Variants in BCAS3 observed in about 807,000 individuals in gnomAD.
BCAS3 encodes BCAS4/BCAS3 fusion.
In BCAS3, 53 loss-of-function variants were observed where a neutral mutation model predicts 116.1. The observed-to-expected ratio is 0.46, with a 90% CI of 0.37 to 0.57. The LOEUF (loss-of-function observed/expected upper bound fraction) is 0.57, where lower values mean the gene tolerates loss of function less well. Ranked by LOEUF, BCAS3 falls within the 20% of genes least tolerant of loss-of-function variation. BCAS3 has a pLI of 0.00. For synonymous variants in BCAS3, 391 were observed against 408.2 expected, an observed-to-expected ratio of 0.96 and a Z score of 0.51; for missense variants, 917 against 1,165.4, an observed-to-expected ratio of 0.79 and a Z score of 3.10.
At chr17:60,679,631 T>C (rs1219225542) in intron 2 of BCAS3, 91 bp downstream of exon 2, 2 of 1,041,606 alleles carry the variant, frequency 1.9e-6, no homozygotes, top group African/African-American at 1.6e-5. Context: ...TGGTTACTTT[T>C]GTAAAAATCT....
intron 6 of BCAS3, among the ~76,000 whole-genome samples, chr17:60,759,238 A>G (rs759288320): frequency 3.3e-5 from 5 of 152,208 alleles, no homozygotes; most frequent in Non-Finnish European, 7.3e-5. Flanking sequence ...ATGGCCTTAT[A>G]TAGTCTGTCA....
At chr17:60,764,182 T>G (rs1329019245) in intron 6 of BCAS3, among the ~76,000 whole-genome samples, 3 of 151,804 alleles carry the variant, frequency 2.0e-5, no homozygotes, top group Non-Finnish European at 4.4e-5. Context: ...AACTTTTTTG[T>G]GTCTCTATCT....
intron 22 of BCAS3, among the ~76,000 whole-genome samples, chr17:61,133,206 C>T (rs1052021225): frequency 6.6e-6 from 1 of 152,012 alleles, no homozygotes; most frequent in African/African-American, 2.4e-5. Context: ...TTTGATGTTA[C>T]CCCTTTCTGA....
At chr17:60,973,885 C>A (rs2062131627) in intron 14 of BCAS3, among the ~76,000 whole-genome samples, 1 of 152,096 alleles carries the variant, frequency 6.6e-6, no homozygotes, top group African/African-American at 2.4e-5. Flanking sequence ...AGCCACCACA[C>A]CCTGCCTAAA....
At position 61,211,480 on chromosome 17, in the gene BCAS3, G is replaced by C. The variant is rs567419441; in HGVS notation, c.2425+126916G>C. 4.6e-5 allele frequency among the ~76,000 whole-genome samples: 7 copies of C among 152,232 alleles called. No individual in the cohort carries two copies. Among genetic ancestry groups the C allele is most frequent in the African/African-American group, 1.7e-4 (7 of 41,550 alleles). On this transcript the variant is annotated intron_variant, in intron 22 of 23. Coordinates refer to ENST00000407086, the MANE Select transcript of BCAS3 (RefSeq NM_017679.5). This position sits in a 1 kb window ranked among gnomAD's most constrained non-coding sequence, Gnocchi z 4.4. Reference sequence around the variant, plus strand: ...CCCTTGGATGAGTAGCTCTTTGAAAGCTGATTTAAAGTGAGTGTTGCTCCA... The same window carrying C: ...CCCTTGGATGAGTAGCTCTTTGAAACCTGATTTAAAGTGAGTGTTGCTCCA...
At chr17:61,306,233 A>G (rs1031142167) in intron 22 of BCAS3, among the ~76,000 whole-genome samples, 6 of 152,208 alleles carry the variant, frequency 3.9e-5, no homozygotes, top group Non-Finnish European at 8.8e-5. Flanking sequence ...CATTCCTTTG[A>G]ATCTCTGCAT....
At chr17:60,704,222 G>A (rs922366817) in intron 4 of BCAS3, among the ~76,000 whole-genome samples, 1 of 152,136 alleles carries the variant, frequency 6.6e-6, no homozygotes, top group African/African-American at 2.4e-5. Flanking sequence ...TTAATGCTGA[G>A]AGAAGTGCCC....
At chr17:61,147,138 G>T (rs1265765522) in intron 22 of BCAS3, among the ~76,000 whole-genome samples, 1 of 150,514 alleles carries the variant, frequency 6.6e-6, no homozygotes, top group Admixed American at 6.6e-5. Flanking sequence ...GCAGTGGTGT[G>T]ATCTCGGCTC....
At chr17:60,734,137 C>G (rs1026651989) in intron 5 of BCAS3, among the ~76,000 whole-genome samples, 1 of 152,138 alleles carries the variant, frequency 6.6e-6, no homozygotes, top group Non-Finnish European at 1.5e-5. Context: ...AAGTGTTGCT[C>G]TAATCCCCAG....
rs1256789909 is a variant in BCAS3, at chr17:61,388,790, C to T, written c.2594-3187C>T. 7.1e-6 allele frequency: 9 copies of T among 1,267,408 alleles called. No individual in the cohort carries two copies. The highest frequency in any genetic ancestry group is 8.8e-6 in the Non-Finnish European group (8 of 912,850). The allele number at this position is 1,267,408 out of a possible 1,614,324, so 78.5% of individuals were successfully genotyped here. On this transcript the variant is annotated intron_variant, in intron 23 of 23. Coordinates refer to ENST00000407086, the MANE Select transcript of BCAS3 (RefSeq NM_017679.5). The surrounding 1 kb of genome is among the most constrained non-coding windows in gnomAD (Gnocchi z 6.5). Reference sequence around the variant, plus strand: ...CTTGGAGGGGGGAATCTGAGCAGCCCTCCTCCCCTCCACTTCCCACACACA... The same window carrying T: ...CTTGGAGGGGGGAATCTGAGCAGCCTTCCTCCCCTCCACTTCCCACACACA...
At chr17:61,052,014 A>G (rs980342506) in intron 19 of BCAS3, among the ~76,000 whole-genome samples, 16 of 152,218 alleles carry the variant, frequency 1.1e-4, no homozygotes, top group African/African-American at 3.4e-4. Context: ...CAATAGAGAA[A>G]AAGCAATGAA....
intron 22 of BCAS3, among the ~76,000 whole-genome samples, chr17:61,230,850 G>A (rs1416537666): frequency 1.3e-5 from 2 of 151,482 alleles, no homozygotes; most frequent in Non-Finnish European, 2.9e-5. Context: ...TCTGTTTTAA[G>A]TTCTTTGAGA....
chr17:60,851,920 GA>G (rs1373484020), intron 7 of BCAS3, among the ~76,000 whole-genome samples: 5 of 152,104 alleles, frequency 3.3e-5, no homozygotes, highest in South Asian at 4.1e-4. Flanking sequence ...TTTAAGAGGT[GA>G]AATCATTTGC....
In BCAS3 at chr17:61,145,860, C is replaced by CT. The variant is rs1227970322; in HGVS notation, c.2425+61296_2425+61297insT. On this transcript the variant is annotated intron_variant, in intron 22 of 23. Coordinates refer to ENST00000407086, the MANE Select transcript of BCAS3 (RefSeq NM_017679.5). This position sits in a 1 kb window ranked among gnomAD's most constrained non-coding sequence, Gnocchi z 5.0. ...TGAACTTCATGTACAAGACATATTT[C>CT]ATTTTTTTTTCTTCCCTCACAAATT... 1.1e-4 allele frequency among the ~76,000 whole-genome samples: 2 copies of CT among 18,800 alleles called. No homozygotes were observed. The highest frequency in any genetic ancestry group is 1.8e-3 in the Non-Finnish European group (2 of 1,102). The allele number at this position is 18,800 out of a possible 152,430, so 12.3% of individuals were successfully genotyped here.
At position 61,169,080 on chromosome 17, in the gene BCAS3, C is replaced by G. The variant is rs2078689600; in HGVS notation, c.2425+84516C>G. On this transcript the variant is annotated intron_variant, in intron 22 of 23. Transcript: ENST00000407086. ...TATACAAGGATTCTCACTGTACTTC[C>G]AGCCAATACATTATTTAACATTAGA... 2.0e-5 allele frequency among the ~76,000 whole-genome samples: 3 copies of G among 152,140 alleles called. No homozygotes were observed. The South Asian group carries it at 6.2e-4, about 32-fold the overall frequency.
At chr17:61,146,037 G>T (rs2077183145) in intron 22 of BCAS3, among the ~76,000 whole-genome samples, 1 of 151,664 alleles carries the variant, frequency 6.6e-6, no homozygotes, top group Non-Finnish European at 1.5e-5. Flanking sequence ...TGCTGGGGAG[G>T]ACTCATCCCC....
At chr17:61,384,206 A>T (rs1465412047) in intron 23 of BCAS3, among the ~76,000 whole-genome samples, 1 of 152,220 alleles carries the variant, frequency 6.6e-6, no homozygotes, top group African/African-American at 2.4e-5. Context: ...GTCCACCCTA[A>T]ATGGCATCAG....
At chr17:61,314,137 A>G (rs3785854) in intron 22 of BCAS3, among the ~76,000 whole-genome samples, 118,835 of 152,146 alleles carry the variant, frequency 0.78, 46,549 homozygotes, top group East Asian at 0.85. Flanking sequence ...CACACTGGGG[A>G]AGTGACTTGA....
At chr17:61,010,331 C>T (rs1430965100) in intron 15 of BCAS3, among the ~76,000 whole-genome samples, 2 of 151,920 alleles carry the variant, frequency 1.3e-5, no homozygotes, top group Non-Finnish European at 2.9e-5. Flanking sequence ...TTTTAGTAAA[C>T]AGATCACACC....
Sources: allele counts gnomAD v4.1 joint callset (sites outside exome capture counted in the v4.1 genomes callset), GRCh38; gene constraint gnomAD v4.1.1; non-coding constraint Gnocchi (gnomAD v3.1); transcripts MANE v1.5; gene names NCBI Gene and HGNC (gene_info 2026-07-23, HGNC 2026-07-21).